Variants in EXOC4 observed in about 807,000 individuals in gnomAD.
The protein encoded by EXOC4 is SEC8-like 1.
A neutral mutation model predicts 107.2 loss-of-function variants in EXOC4; 71 were observed. The ratio of observed to expected loss-of-function variants is 0.66; its 90% CI spans 0.55 to 0.81. The LOEUF is 0.81. Ranked by LOEUF, EXOC4 falls within the 30% of genes least tolerant of loss-of-function variation. The pLI is 0.00. For missense variants in EXOC4, 1,108 were observed against 1,189.6 expected, an observed-to-expected ratio of 0.93 and a Z score of 1.01; for synonymous variants, 456 against 441.2, an observed-to-expected ratio of 1.03 and a Z score of -0.42.
intron 10 of EXOC4, among the ~76,000 whole-genome samples, chr7:133,664,454 G>A (rs1302676384): frequency 1.3e-5 from 2 of 152,110 alleles, no homozygotes; most frequent in African/African-American, 4.8e-5. Context: ...TTTTTCTACT[G>A]ATCTCCAAAC....
intron 9 of EXOC4, among the ~76,000 whole-genome samples, chr7:133,606,562 C>T (rs1288081766): frequency 3.3e-5 from 5 of 150,398 alleles, no homozygotes; most frequent in African/African-American, 7.3e-5. Flanking sequence ...TTGCCCAGGC[C>T]GGAGTGCAGT....
At chr7:133,859,673 G>A (rs1007264472) in intron 11 of EXOC4, among the ~76,000 whole-genome samples, 1 of 152,156 alleles carries the variant, frequency 6.6e-6, no homozygotes, top group Non-Finnish European at 1.5e-5. Flanking sequence ...TTGGTTGATT[G>A]GTTTTGGCTT....
chr7:133,371,603 T>C (rs1796379212), intron 6 of EXOC4, among the ~76,000 whole-genome samples: 1 of 152,234 alleles, frequency 6.6e-6, no homozygotes, highest in Non-Finnish European at 1.5e-5. Context: ...TATTCTATTG[T>C]ATGAATATAC....
chr7:133,888,502 G>C (rs1799135333), intron 11 of EXOC4, among the ~76,000 whole-genome samples: 2 of 152,128 alleles, frequency 1.3e-5, no homozygotes, highest in Admixed American at 6.5e-5. Flanking sequence ...ATGAACTAAT[G>C]GTTTAAACAA....
chr7:133,370,965 G>A (rs1298915417), intron 6 of EXOC4, among the ~76,000 whole-genome samples: 1 of 152,170 alleles, frequency 6.6e-6, no homozygotes, highest in Non-Finnish European at 1.5e-5. Context: ...CATAACGAAA[G>A]ATGTAGGCAG....
chr7:134,041,741 C>A (rs574557580), intron 17 of EXOC4, among the ~76,000 whole-genome samples: 200 of 152,258 alleles, frequency 1.3e-3, no homozygotes, highest in African/African-American at 4.3e-3. Flanking sequence ...ATGAGATATT[C>A]TTCCTTCAGT....
chr7:133,375,027 C>A, intron 7 of EXOC4, 25 bp downstream of exon 7: 1 of 1,592,814 alleles, frequency 6.3e-7, no homozygotes, highest in Non-Finnish European at 8.6e-7. Context: ...CAAAGGGTGT[C>A]ATCTTGATTC....
chr7:133,419,957 G>GCTT (rs1408571254), intron 7 of EXOC4, among the ~76,000 whole-genome samples: 1 of 132,310 alleles, frequency 7.6e-6, no homozygotes, highest in Non-Finnish European at 1.6e-5. Flanking sequence ...GGAAGAGTCT[G>GCTT]CTTCTTCTTT....
intron 5 of EXOC4, among the ~76,000 whole-genome samples, chr7:133,328,536 T>C (rs979407965): frequency 2.0e-5 from 3 of 152,188 alleles, no homozygotes; most frequent in Non-Finnish European, 4.4e-5. Context: ...CTTTACAGTT[T>C]GGTATGTTTT....
At chr7:133,715,257 C>T (rs1400893629) in intron 10 of EXOC4, among the ~76,000 whole-genome samples, 1 of 152,132 alleles carries the variant, frequency 6.6e-6, no homozygotes, top group African/African-American at 2.4e-5. Context: ...AAGTAGTTCC[C>T]CTGCTTTAGC....
At chr7:133,769,066 A>G (rs183804139) in intron 10 of EXOC4, among the ~76,000 whole-genome samples, 4 of 152,042 alleles carry the variant, frequency 2.6e-5, no homozygotes, top group Non-Finnish European at 5.9e-5. Context: ...TTCTCTGAAC[A>G]TGACTTTCCA....
intron 9 of EXOC4, among the ~76,000 whole-genome samples, chr7:133,622,733 A>C (rs752576858): frequency 1.3e-5 from 2 of 152,010 alleles, no homozygotes; most frequent in Non-Finnish European, 2.9e-5. Flanking sequence ...GATTCCATGG[A>C]AAATATTTTG....
chr7:133,365,456 A>C (rs1164466696), intron 6 of EXOC4, among the ~76,000 whole-genome samples: 1 of 152,180 alleles, frequency 6.6e-6, no homozygotes, highest in East Asian at 1.9e-4. Flanking sequence ...TAGACGTTTG[A>C]GGTCATCTCT....
At chr7:133,388,729 A>C (rs1167426257) in intron 7 of EXOC4, among the ~76,000 whole-genome samples, 2 of 152,198 alleles carry the variant, frequency 1.3e-5, no homozygotes, top group African/African-American at 4.8e-5. Flanking sequence ...GTTGTCTCAA[A>C]TATTATAATT....
intron 5 of EXOC4, among the ~76,000 whole-genome samples, chr7:133,339,993 C>A (rs1197236978): frequency 6.6e-6 from 1 of 152,066 alleles, no homozygotes; most frequent in Non-Finnish European, 1.5e-5. Context: ...AATTTGGATG[C>A]CCTTTATTTC....
chr7:133,362,070 C>T (rs1193469939), intron 6 of EXOC4, among the ~76,000 whole-genome samples: 1 of 152,016 alleles, frequency 6.6e-6, no homozygotes, highest in Non-Finnish European at 1.5e-5. Context: ...CTGCCAGTTT[C>T]TTTCTCTTTT....
intron 7 of EXOC4, among the ~76,000 whole-genome samples, chr7:133,462,925 A>G (rs921618135): frequency 6.6e-6 from 1 of 152,166 alleles, no homozygotes; most frequent in African/African-American, 2.4e-5. Flanking sequence ...CTGAATAATA[A>G]TAAGATAGAG....
chr7:133,501,164 G>C (rs1188812217), intron 9 of EXOC4, among the ~76,000 whole-genome samples: 1 of 152,068 alleles, frequency 6.6e-6, no homozygotes, highest in East Asian at 1.9e-4. Context: ...TATATTTCCA[G>C]CATCTTCTGA....
chr7:133,571,543 G>A (rs1801023527), intron 9 of EXOC4, among the ~76,000 whole-genome samples: 3 of 151,990 alleles, frequency 2.0e-5, no homozygotes, highest in African/African-American at 7.2e-5. Flanking sequence ...GGTGTCATGC[G>A]CCTGTAGTCC....
Sources: gnomAD v4.1 joint callset for allele counts (sites outside exome capture counted in the v4.1 genomes callset) on GRCh38, gnomAD v4.1.1 for gene constraint, MANE v1.5 for transcripts, NCBI Gene and HGNC (gene_info 2026-07-23, HGNC 2026-07-21) for gene names.